Variants in RTKN observed in about 807,000 individuals in gnomAD.
RTKN encodes rhotekin.
In RTKN, 49 loss-of-function variants were observed where a neutral mutation model predicts 63.5. The observed-to-expected ratio is 0.77, with a 90% CI of 0.61 to 0.98. The LOEUF (loss-of-function observed/expected upper bound fraction) is 0.98, where lower values mean the gene tolerates loss of function less well. Ranked by LOEUF, RTKN falls within the 50% of genes least tolerant of loss-of-function variation. RTKN has a pLI of 0.00. For synonymous variants in RTKN, 295 were observed against 290.4 expected (o/e 1.02, Z -0.16); for missense variants, 685 against 740.8 (o/e 0.92, Z 0.87).
intron 5 of RTKN, 67 bp from the exon 6 acceptor site, chr2:74,430,104 G>A (rs1409794896): frequency 1.3e-6 from 2 of 1,573,172 alleles, no homozygotes; most frequent in Non-Finnish European, 1.7e-6. Context: ...GGGGATGTGG[G>A]TGAGGCAAGT....
At chr2:74,430,746 C>G (rs992217633) in intron 2 of RTKN, 69 bp from the exon 3 acceptor site, 14 of 1,465,540 alleles carry the variant, frequency 9.6e-6, no homozygotes, top group Non-Finnish European at 1.3e-5. Flanking sequence ...GTCCCAACGA[C>G]TCTAGGATCC....
At position 74,426,223 on chromosome 2, in the gene RTKN, T is replaced by A. The variant is rs1291012833; in HGVS notation, c.*20A>T. 3.1e-6 allele frequency: 5 copies of A among 1,607,782 alleles called. No individual in the cohort carries two copies. The highest frequency in any genetic ancestry group is 4.3e-6 in the Non-Finnish European group (5 of 1,174,698). ...GTCATTTTCTCTTCTGGGCAGATCC[T>A]ATGCCAGCACCTTTCTCTCTCACAC... On this transcript the variant is annotated 3_prime_UTR_variant, in exon 12 of 12. Coordinates refer to ENST00000272430, the MANE Select transcript of RTKN (RefSeq NM_001015055.2).
In RTKN at chr2:74,429,977, T is replaced by G; in HGVS notation, c.606A>C (p.Glu202Asp). Residue 202 changes from glutamate (E) to aspartate (D), a missense_variant, in exon 6 of 12, where the codon GAA (glutamate) becomes GAC (aspartate). By Grantham distance (45) the Glu-to-Asp change is conservative (BLOSUM62 2). Coordinates refer to ENST00000272430, the MANE Select transcript of RTKN (RefSeq NM_001015055.2). ...RLELYGACVE[E>D]EGALTGGPKR... The stretch of plus-strand genomic sequence containing the variant: ...TGGGGCCGCCAGTCAGGGCCCCCTC[T>G]TCTTCCACACAGGCCCCATACAGCT... 6.2e-7 allele frequency: 1 copy of G among 1,614,190 alleles called. No individual in the cohort carries two copies. Among genetic ancestry groups the G allele is most frequent in the Non-Finnish European group, 8.5e-7 (1 of 1,180,026 alleles).
At position 74,440,525 on chromosome 2, in the gene RTKN, C is replaced by T. The variant is rs543167531; in HGVS notation, c.111+1181G>A. 3.0e-4 allele frequency: 297 copies of T among 986,358 alleles called. 1 individual carries two copies. In the African/African-American group the frequency reaches 3.5e-3, roughly 12 times the overall value. The allele number at this position is 986,358 out of a possible 1,614,324, so 61.1% of individuals were successfully genotyped here. ...CCTCCACGCCAGGCCCACGGAGTCA[C>T]ACTTCACTCGGCGGCCGCCAGGCCC... On this transcript the variant is annotated intron_variant, in intron 1 of 11. Coordinates refer to ENST00000272430, the MANE Select transcript of RTKN (RefSeq NM_001015055.2).
intron 2 of RTKN, among the ~76,000 whole-genome samples, chr2:74,431,191 G>A: frequency 6.6e-6 from 1 of 152,028 alleles, no homozygotes. Context: ...ATCACCAATA[G>A]GGAAGAGTTA....
At chr2:74,440,232 GGGGAGAGTGAGCCCA>G (rs1292439095) in intron 1 of RTKN, 9 of 544,476 alleles carry the variant, frequency 1.7e-5, no homozygotes, top group Admixed American at 5.9e-5. Context: ...GAGGACCTCA[GGGGAGAGTGAGCCCA>G]GGGAATGGGA....
Position 74,425,996 on chromosome 2 carries a change from T to A in RTKN, c.*247A>T, listed in dbSNP as rs1273220370. ...GTTAGTGCAGGGAGGTAGGGCAGAG[T>A]TGGTTCCAGTTTTCTTCCAGGAAGG... On this transcript the variant is annotated 3_prime_UTR_variant, in exon 12 of 12. Transcript: ENST00000272430. 4.7e-6 allele frequency: 3 copies of A among 641,144 alleles called. No homozygotes were observed. The highest frequency in any genetic ancestry group is 4.0e-5 in the South Asian group (2 of 50,624). 39.7% of individuals were successfully genotyped at this position (641,144 alleles called of 1,614,324 possible). A position where few individuals can be genotyped will look rare whatever the true frequency, so the allele number is the denominator to read the frequency against.
chr2:74,430,316 C>T lies in RTKN; in HGVS notation c.481G>A (p.Asp161Asn). ...CTGTCCACTAGGATCATCTCTGTGT[C>T]CTGGATGTGTTCCCCCAGCTGCAGC... ...LLLQLGEHIQ[D>N]TEMILVDRTL... The change falls in exon 5 of 12, where the codon GAC becomes AAC. Residue 161 changes from aspartate to asparagine, a missense_variant. Transcript: ENST00000272430. 1 of 1,614,118 alleles carries T rather than the reference C, an allele frequency of 6.2e-7. No homozygotes were observed. Among genetic ancestry groups the T allele is most frequent in the Non-Finnish European group, 8.5e-7 (1 of 1,179,990 alleles).
rs368154180 is a variant in RTKN, at chr2:74,432,541, G to C, written c.237C>G (p.Asn79Lys). ...CGCCCATGTAGCTGAGGATGCGGCT[G>C]TTGCACACTAGCAGGCTCTTGGTGG... Reference protein sequence around the residue: ...LEATKSLLVCNSRILSYMGEL... With the variant: ...LEATKSLLVCKSRILSYMGEL... The change falls in exon 2 of 12, where the codon AAC becomes AAG. Residue 79 changes from asparagine (N) to lysine (K), a missense_variant. Asn to Lys is a moderately conservative substitution (Grantham distance 94, BLOSUM62 0). Transcript: ENST00000272430. 1 of 1,614,044 alleles carries C rather than the reference G, an allele frequency of 6.2e-7. No individual in the cohort carries two copies. Among genetic ancestry groups the C allele is most frequent in the Non-Finnish European group, 8.5e-7 (1 of 1,180,042 alleles).
At position 74,427,444 on chromosome 2, in the gene RTKN, C is replaced by A; in HGVS notation, c.1235G>T (p.Trp412Leu). Reference protein sequence around the residue: ...EALQSWMEALWQLFFDMSQWK... With the variant: ...EALQSWMEALLQLFFDMSQWK... ...CTTACTCATGTCAAAGAAAAGCTGC[C>A]ACAGAGCCTCCATCCAGCTCTGCAG... Residue 412 changes from tryptophan (W) to leucine (L), a missense_variant, in exon 10 of 12, where the codon TGG becomes TTG. Physicochemically the swap from Trp to Leu is moderately conservative, Grantham distance 61. Transcript: ENST00000272430. 1.2e-6 allele frequency: 2 copies of A among 1,614,146 alleles called. No individual in the cohort carries two copies. Among genetic ancestry groups the A allele is most frequent in the Non-Finnish European group, 1.7e-6 (2 of 1,180,014 alleles).
In RTKN at chr2:74,427,451, C is replaced by A. The variant is rs568097327; in HGVS notation, c.1228G>T (p.Ala410Ser). 12 of 1,614,216 alleles carry A rather than the reference C, an allele frequency of 7.4e-6. No homozygotes were observed. The East Asian group carries it at 2.7e-4, about 36-fold the overall frequency. ...ATGTCAAAGAAAAGCTGCCACAGAG[C>A]CTCCATCCAGCTCTGCAGTGCTTCC... The part of the protein sequence containing the change: ...SREALQSWME[A>S]LWQLFFDMSQ... Residue 410 changes from alanine (A) to serine (S), a missense_variant, in exon 10 of 12, where the codon GCT becomes TCT. By Grantham distance (99) the Ala-to-Ser change is moderately conservative. Coordinates refer to ENST00000272430, the MANE Select transcript of RTKN (RefSeq NM_001015055.2).
Position 74,426,533 on chromosome 2 carries a change from G to A in RTKN, c.1402C>T (p.Leu468=), listed in dbSNP as rs772955189. 2 of 1,547,586 alleles carry A rather than the reference G, an allele frequency of 1.3e-6. No individual in the cohort carries two copies. The highest frequency in any genetic ancestry group is 8.7e-7 in the Non-Finnish European group (1 of 1,144,936). Residue 468 remains leucine, a synonymous_variant, in exon 12 of 12, where the codon CTG becomes TTG. Transcript: ENST00000272430. ...LDDIAAVTDI[L]TQREGARLET... The stretch of plus-strand genomic sequence containing the variant: ...AGCCTTGCGCCCTCCCGCTGGGTCA[G>A]GATGTCTGTCACCGCTGCGATGTCA...
At chr2:74,427,122 A>T (rs1670439976) in intron 11 of RTKN, 47 bp downstream of exon 11, 1 of 1,580,514 alleles carries the variant, frequency 6.3e-7, no homozygotes, top group African/African-American at 1.4e-5. Context: ...GAAGTCCCCA[A>T]CCCTACTTCC....
chr2:74,439,503 C>A (rs1160378228), intron 1 of RTKN: 2 of 1,599,142 alleles, frequency 1.3e-6, no homozygotes, highest in East Asian at 2.2e-5. Flanking sequence ...GAGATTGGGG[C>A]TGGGATGCAA....
chr2:74,438,073 A>T (rs1030584114), intron 1 of RTKN, among the ~76,000 whole-genome samples: 2 of 151,836 alleles, frequency 1.3e-5, no homozygotes, highest in African/African-American at 4.8e-5. Context: ...TTGAGGGGGG[A>T]CAGCACATAC....
intron 8 of RTKN, 62 bp from the exon 9 acceptor site, chr2:74,428,458 C>A: frequency 6.2e-7 from 1 of 1,612,416 alleles, no homozygotes; most frequent in African/African-American, 1.3e-5. Flanking sequence ...TCTTCTCAGC[C>A]CCCCATGAGA....
rs878874948 is a variant in RTKN, at chr2:74,439,858, G to T, written c.111+1848C>A. ...GCTCCGGGGCCCTGCCGGGAGCCAG[G>T]CAGGGAAGAAAAAGAAAGCGAAGTG... On this transcript the variant is annotated intron_variant, in intron 1 of 11. Coordinates refer to ENST00000272430, the MANE Select transcript of RTKN (RefSeq NM_001015055.2). 7.4e-6 allele frequency: 10 copies of T among 1,356,856 alleles called. No individual in the cohort carries two copies. In the South Asian group the frequency reaches 1.4e-4, roughly 19 times the overall value. The allele number at this position is 1,356,856 out of a possible 1,614,324, so 84.1% of individuals were successfully genotyped here.
chr2:74,439,730 A>G, intron 1 of RTKN: 1 of 1,544,816 alleles, frequency 6.5e-7, no homozygotes, highest in East Asian at 2.4e-5. Flanking sequence ...CAGTCTTTAA[A>G]GAGGTGGCCA....
At chr2:74,427,947 A>G (rs1376872174) in intron 9 of RTKN, 10 of 491,886 alleles carry the variant, frequency 2.0e-5, no homozygotes, top group Non-Finnish European at 2.9e-5. Context: ...TTGGACCTGG[A>G]GAGAAATGGG....
Sources: allele counts gnomAD v4.1 joint callset (sites outside exome capture counted in the v4.1 genomes callset), GRCh38; gene constraint gnomAD v4.1.1; transcripts MANE v1.5; gene names NCBI Gene and HGNC (gene_info 2026-07-23, HGNC 2026-07-21).